The following AGT variants were observed in gnomAD, a reference collection of about 807,000 sequenced individuals.
AGT encodes the protein alpha-1 antiproteinase, antitrypsin.
AGT carries 26 observed loss-of-function variants against 28.1 expected under a neutral mutation model. The ratio of observed to expected loss-of-function variants is 0.92; its 90% CI spans 0.68 to 1.28. AGT has a LOEUF of 1.28. Among genes scored for constraint, AGT ranks in the 50% most tolerant of loss-of-function variants. The pLI is 0.00. For synonymous variants in AGT, 259 were observed against 259.6 expected (o/e 1.00, Z 0.02); for missense variants, 596 against 592.3 (o/e 1.01, Z -0.06).
intron 1 of AGT, among the ~76,000 whole-genome samples, chr1:230,742,721 T>C (rs1400596704): frequency 6.6e-6 from 1 of 152,228 alleles, no homozygotes; most frequent in Non-Finnish European, 1.5e-5. Flanking sequence ...ACTTCATGAT[T>C]AGCTGGACCA....
At chr1:230,707,754 A>G (rs1210701993) in intron 2 of AGT, among the ~76,000 whole-genome samples, 3 of 152,214 alleles carry the variant, frequency 2.0e-5, no homozygotes, top group Non-Finnish European at 4.4e-5. Context: ...CTGCCTCCCA[A>G]AAGACGCTGG....
chr1:230,705,093 G>A (rs190342991), intron 3 of AGT, among the ~76,000 whole-genome samples: 1 of 152,140 alleles, frequency 6.6e-6, no homozygotes, highest in South Asian at 2.1e-4. Context: ...GGGCCAAGGG[G>A]AAGGGGAAAT....
intron 3 of AGT, 52 bp downstream of exon 3, chr1:230,705,881 T>G (rs1663369744): frequency 8.7e-6 from 14 of 1,606,500 alleles, no homozygotes; most frequent in Non-Finnish European, 1.2e-5. Context: ...GCCCCCAGCC[T>G]GGGCAGGACA....
intron 1 of AGT, 73 bp from the exon 2 acceptor site, chr1:230,710,926 C>T: frequency 6.5e-7 from 1 of 1,542,300 alleles, no homozygotes; most frequent in Non-Finnish European, 8.9e-7. Context: ...CCAGATCTTT[C>T]ATTGTCTCAA....
intron 1 of AGT, 128 bp from the exon 2 acceptor site, chr1:230,710,981 A>G: frequency 8.0e-7 from 1 of 1,249,920 alleles, no homozygotes; most frequent in Non-Finnish European, 1.1e-6. Context: ...ATTCATGTCT[A>G]CAAAAAAAAG....
chr1:230,739,197 G>T (rs73102680), intron 1 of AGT, among the ~76,000 whole-genome samples: 1 of 140,814 alleles, frequency 7.1e-6, no homozygotes, highest in Non-Finnish European at 1.5e-5. Context: ...CTCCTCTACA[G>T]GTTTTTTTTT....
At chr1:230,717,613 G>A (rs9804147), upstream of AGT, among the ~76,000 whole-genome samples, 30,175 of 151,970 alleles carry the variant, frequency 0.2, 4,113 homozygotes, top group East Asian at 0.49. Flanking sequence ...CTTGGAAGAG[G>A]CATGTGAGCC....
intron 2 of AGT, among the ~76,000 whole-genome samples, chr1:230,707,288 C>T (rs1663415087): frequency 6.6e-6 from 1 of 152,246 alleles, no homozygotes; most frequent in Admixed American, 6.5e-5. Context: ...TCCTCCCACT[C>T]ATCCTGAAAG....
upstream of AGT, among the ~76,000 whole-genome samples, chr1:230,715,388 C>G (rs61756113): frequency 6.6e-6 from 1 of 152,096 alleles, no homozygotes; most frequent in Non-Finnish European, 1.5e-5. Flanking sequence ...ACAGAACATT[C>G]GGGCCAGGTA....
rs553732498 is a variant in AGT at position 230,702,853 on chromosome 1, G to T, written c.*288C>A. ...GAATTCTTTTTGGAACAGTAGTCCC[G>T]CGCTAAACACTGGTTCTTGCCTCCC... On this transcript the variant is annotated 3_prime_UTR_variant, in exon 5 of 5. Transcript: ENST00000366667. The T allele has an allele frequency of 9.0e-6, 4 of 446,518 alleles. No homozygotes were observed. Among genetic ancestry groups the T allele is most frequent in the African/African-American group, 5.9e-5 (3 of 51,216 alleles). 27.7% of individuals were successfully genotyped at this position (446,518 alleles called of 1,614,324 possible).
intron 4 of AGT, among the ~76,000 whole-genome samples, chr1:230,703,578 C>T (rs556000622): frequency 4.6e-5 from 7 of 152,342 alleles, no homozygotes; most frequent in African/African-American, 1.4e-4. Context: ...CTCCCTAACA[C>T]ACCCCTTACA....
upstream of AGT, among the ~76,000 whole-genome samples, chr1:230,714,465 C>T (rs1250047921): frequency 2.0e-5 from 3 of 152,134 alleles, no homozygotes; most frequent in Non-Finnish European, 2.9e-5. Context: ...GACCCAGCCC[C>T]GGGAGATGTA....
chr1:230,742,927 G>T (rs900216571), intron 1 of AGT, among the ~76,000 whole-genome samples: 2 of 152,170 alleles, frequency 1.3e-5, no homozygotes, highest in African/African-American at 4.8e-5. Context: ...GCTCTGAGAG[G>T]TATTCATAAA....
intron 1 of AGT, among the ~76,000 whole-genome samples, chr1:230,730,623 CT>C (rs1303362466): frequency 2.0e-5 from 3 of 152,166 alleles, no homozygotes; most frequent in Non-Finnish European, 4.4e-5. Flanking sequence ...AGCAGGTGAG[CT>C]TCCTTTCTGT....
At chr1:230,719,941 C>T (rs756091025) in intron 1 of AGT, among the ~76,000 whole-genome samples, 2 of 152,218 alleles carry the variant, frequency 1.3e-5, no homozygotes, top group Non-Finnish European at 1.5e-5. Context: ...AAAAGAAAAG[C>T]TTTCTATTGC....
intron 1 of AGT, among the ~76,000 whole-genome samples, chr1:230,740,468 T>C (rs918417772): frequency 9.9e-5 from 15 of 152,114 alleles, no homozygotes; most frequent in African/African-American, 3.6e-4. Flanking sequence ...CAAACACCTC[T>C]GACAAACCTT....
chr1:230,739,198 G>GTTT lies in AGT; in HGVS notation c.-31+6314_-31+6316dup, dbSNP rs566967897. On this transcript the variant is annotated intron_variant, in intron 1 of 4. Transcript: ENST00000681269. ...CATACTGAGACTCCCTCCTCTACAGGTTTTTTTTTTTTTTTAATTAGCTGG... is the reference window on the plus strand; with the variant it reads ...CATACTGAGACTCCCTCCTCTACAGGTTTTTTTTTTTTTTTTTTAATTAGCTGG... Among the ~76,000 whole-genome samples, 805 of 143,856 alleles carry GTTT rather than the reference G, an allele frequency of 5.6e-3. 5 individuals carry two copies. The highest frequency in any genetic ancestry group is 0.018 in the African/African-American group (707 of 39,314). The allele number at this position is 143,856 out of a possible 152,430, so 94.4% of individuals were successfully genotyped here.
chr1:230,735,061 T>C (rs1476720110), intron 1 of AGT, among the ~76,000 whole-genome samples: 3 of 152,150 alleles, frequency 2.0e-5, no homozygotes, highest in Non-Finnish European at 4.4e-5. Context: ...TGTCTATCCC[T>C]GGAGGAGAGG....
upstream of AGT, among the ~76,000 whole-genome samples, chr1:230,718,171 C>A (rs1483299338): frequency 1.3e-5 from 2 of 152,130 alleles, no homozygotes; most frequent in East Asian, 1.9e-4. Flanking sequence ...TCTTGAACTA[C>A]TGGTCTCAAG....
Sources: gnomAD v4.1 joint callset for allele counts (sites outside exome capture counted in the v4.1 genomes callset) on GRCh38, gnomAD v4.1.1 for gene constraint, MANE v1.5 for transcripts, NCBI Gene and HGNC (gene_info 2026-07-23, HGNC 2026-07-21) for gene names.